DPP6: variants seen among roughly 807,000 people sequenced by gnomAD.
DPP6 encodes A-type potassium channel modulatory protein DPP6.
Under a neutral mutation model 122.6 loss-of-function variants are expected in DPP6, and 69 were observed. The ratio of observed to expected loss-of-function variants is 0.56; its 90% confidence interval spans 0.46 to 0.69. DPP6 has a LOEUF of 0.69. Among genes scored for constraint, DPP6 ranks in the 30% least tolerant of loss-of-function variants. The pLI, the probability that DPP6 is intolerant of heterozygous loss-of-function variation, is 0.00. For synonymous variants in DPP6, 418 were observed against 433.1 expected (o/e 0.97, Z 0.43); for missense variants, 928 against 1,116.9 (o/e 0.83, Z 2.41).
intron 3 of DPP6, among the ~76,000 whole-genome samples, chr7:154,523,759 T>C (rs1260885650): frequency 6.6e-6 from 1 of 152,224 alleles, no homozygotes; most frequent in Non-Finnish European, 1.5e-5. Context: ...TGCTTTCTTG[T>C]GAGGTGGTTT....
At chr7:154,081,391 T>C (rs1025327792) in intron 1 of DPP6, among the ~76,000 whole-genome samples, 3 of 142,806 alleles carry the variant, frequency 2.1e-5, no homozygotes, top group Non-Finnish European at 3.1e-5. Context: ...CCACATAACA[T>C]CATCCTATTA....
At chr7:154,177,038 T>C (rs909433150) in intron 1 of DPP6, among the ~76,000 whole-genome samples, 7 of 152,054 alleles carry the variant, frequency 4.6e-5, no homozygotes, top group Admixed American at 3.9e-4. Flanking sequence ...CTCGTCATGT[T>C]GCCCAGGCTG....
chr7:153,910,733 A>C (rs1468850715), intron 1 of DPP6, among the ~76,000 whole-genome samples: 2 of 152,126 alleles, frequency 1.3e-5, no homozygotes, highest in Non-Finnish European at 2.9e-5. Context: ...ACCTTGGTGC[A>C]CAGAACCATT....
chr7:154,260,972 C>T (rs550375924), intron 1 of DPP6, among the ~76,000 whole-genome samples: 2 of 151,898 alleles, frequency 1.3e-5, no homozygotes, highest in African/African-American at 4.8e-5. Flanking sequence ...CTCAGCTCAC[C>T]GTAATCTCCG....
At chr7:154,362,238 A>G (rs1044616808) in intron 1 of DPP6, among the ~76,000 whole-genome samples, 3 of 152,216 alleles carry the variant, frequency 2.0e-5, no homozygotes, top group Admixed American at 1.3e-4. Context: ...AGACCTGGAA[A>G]CAGCTTCTGT....
chr7:154,691,232 G>A (rs1293006790), intron 7 of DPP6, among the ~76,000 whole-genome samples: 4 of 152,136 alleles, frequency 2.6e-5, no homozygotes, highest in African/African-American at 9.7e-5. Flanking sequence ...ATAAAGTTGA[G>A]GACATTGCTC....
intron 1 of DPP6, among the ~76,000 whole-genome samples, chr7:154,054,041 G>A: frequency 6.7e-6 from 1 of 148,242 alleles, no homozygotes; most frequent in South Asian, 2.3e-4. Flanking sequence ...GGCTCTCAGA[G>A]AAACAGGTCT....
chr7:154,269,512 CCA>C (rs1264576590), intron 1 of DPP6, among the ~76,000 whole-genome samples: 1 of 152,142 alleles, frequency 6.6e-6, no homozygotes, highest in African/African-American at 2.4e-5. Flanking sequence ...GTAGGTTTAG[CCA>C]CACAGAGCCC....
At chr7:154,143,183 A>G (rs1017467406) in intron 1 of DPP6, among the ~76,000 whole-genome samples, 22 of 152,002 alleles carry the variant, frequency 1.4e-4, no homozygotes, top group African/African-American at 4.4e-4. Flanking sequence ...AAGGAGAGAG[A>G]GGAAAAGAGT....
intron 16 of DPP6, among the ~76,000 whole-genome samples, chr7:154,829,065 T>A (rs1221152314): frequency 1.3e-5 from 2 of 152,154 alleles, no homozygotes; most frequent in Non-Finnish European, 2.9e-5. Context: ...CCAATGCATT[T>A]GCCACATGCT....
the DPP6 span, among the ~76,000 whole-genome samples, chr7:153,814,382 T>C: frequency 1.3e-5 from 1 of 79,332 alleles, no homozygotes; most frequent in African/African-American, 8.4e-5. Flanking sequence ...CCTCAACACA[T>C]ACACCCTCCC....
intron 1 of DPP6, among the ~76,000 whole-genome samples, chr7:154,304,703 A>G (rs966117331): frequency 1.1e-4 from 16 of 152,302 alleles, no homozygotes; most frequent in Non-Finnish European, 1.6e-4. Flanking sequence ...TTTGAGGAAA[A>G]CAAAGCCCAA....
chr7:153,953,803 G>A (rs1001983280), intron 1 of DPP6, among the ~76,000 whole-genome samples: 2 of 152,228 alleles, frequency 1.3e-5, no homozygotes, highest in Non-Finnish European at 2.9e-5. Context: ...CAGGATAGAT[G>A]AGTGCATGTG....
chr7:154,419,622 G>A (rs1817294694), intron 1 of DPP6, among the ~76,000 whole-genome samples: 1 of 152,182 alleles, frequency 6.6e-6, no homozygotes, highest in Admixed American at 6.5e-5. Flanking sequence ...TTCTCTTGAA[G>A]GGGTTACAGC....
At chr7:154,506,940 T>G (rs1586485570) in intron 3 of DPP6, among the ~76,000 whole-genome samples, 1 of 152,206 alleles carries the variant, frequency 6.6e-6, no homozygotes, top group Non-Finnish European at 1.5e-5. Flanking sequence ...TTGGGAATAA[T>G]TCCCCTAGAA....
chr7:154,480,968 A>G (rs66535843), intron 3 of DPP6, among the ~76,000 whole-genome samples: 22,007 of 152,118 alleles, frequency 0.14, 2,046 homozygotes, highest in Non-Finnish European at 0.2. Flanking sequence ...TGCCTTCAGA[A>G]CACACGTGCC....
chr7:154,234,061 A>AGCATATTTG (rs1298430045), intron 1 of DPP6, among the ~76,000 whole-genome samples: 2 of 152,188 alleles, frequency 1.3e-5, no homozygotes, highest in Non-Finnish European at 2.9e-5. Context: ...AGCTATGGAA[A>AGCATATTTG]GCATATTTGG....
chr7:154,112,340 T>C (rs1246450743), intron 1 of DPP6, among the ~76,000 whole-genome samples: 2 of 151,994 alleles, frequency 1.3e-5, no homozygotes, highest in African/African-American at 4.8e-5. Context: ...TAGCAAGGAA[T>C]GCATCAACAA....
At chr7:154,446,359 G>A (rs565997282) in intron 2 of DPP6, 31 bp downstream of exon 2, 192 of 1,543,518 alleles carry the variant, frequency 1.2e-4, no homozygotes, top group Admixed American at 6.9e-4. Context: ...AAAGCAAGTC[G>A]CTGTCAGAGA....
Sources: gnomAD v4.1 joint callset for allele counts (sites outside exome capture counted in the v4.1 genomes callset) on GRCh38, gnomAD v4.1.1 for gene constraint, MANE v1.5 for transcripts, NCBI Gene and HGNC (gene_info 2026-07-23, HGNC 2026-07-21) for gene names.